Variants in SLCO1A2 observed in about 807,000 individuals in gnomAD.
SLCO1A2 encodes the protein solute carrier organic anion transporter family member 1A2, also known as OATP-1.
SLCO1A2 carries 67 observed loss-of-function variants against 69.0 expected under a neutral mutation model. That is an observed-to-expected ratio of 0.97 (90% confidence interval 0.80 to 1.19). The LOEUF is 1.19. SLCO1A2 is among the 50% of genes most tolerant of loss of function. The pLI is 0.00. For synonymous variants in SLCO1A2, 260 were observed against 265.9 expected (o/e 0.98, Z 0.22); for missense variants, 787 against 793.7 (o/e 0.99, Z 0.10).
rs748136616 is a variant in SLCO1A2, at chr12:21,292,272, T to C, written c.1502A>G (p.Asp501Gly). The change falls in exon 12 of 15, where the codon GAC (aspartate) becomes GGC (glycine). Residue 501 changes from aspartate to glycine, a missense_variant. Asp to Gly is a moderately conservative substitution (Grantham distance 94). Coordinates refer to ENST00000683939, the MANE Select transcript of SLCO1A2 (RefSeq NM_001386879.1). ...GNSSAVLGLCDKGPDCSLMLQ... is the reference protein window; with the variant it reads ...GNSSAVLGLCGKGPDCSLMLQ... ...CATCAAGGAACAGTCAGGTCCTTTG[T>C]CGCACAGCCCAAGAACTGCAGATGA... is the stretch of plus-strand genomic sequence containing the variant. 103 of 1,613,028 alleles carry C rather than the reference T, an allele frequency of 6.4e-5. No individual in the cohort carries two copies. Among genetic ancestry groups the C allele is most frequent in the Non-Finnish European group, 8.6e-5 (101 of 1,179,306 alleles).
intron 12 of SLCO1A2, among the ~76,000 whole-genome samples, chr12:21,287,283 G>A (rs1281699647): frequency 2.0e-5 from 3 of 149,850 alleles, no homozygotes; most frequent in Admixed American, 1.3e-4. Flanking sequence ...CTGGCCATCA[G>A]AGAAATGCAA....
chr12:21,272,568 T>G (rs1943069944), intron 14 of SLCO1A2, among the ~76,000 whole-genome samples: 1 of 152,092 alleles, frequency 6.6e-6, no homozygotes, highest in African/African-American at 2.4e-5. Context: ...CTTACTTATA[T>G]TTTGTTGAAA....
intron 8 of SLCO1A2, among the ~76,000 whole-genome samples, chr12:21,299,734 G>A (rs11045948): frequency 0.039 from 5,553 of 141,500 alleles, 475 homozygotes; most frequent in East Asian, 0.36. Context: ...CTGTAAAATC[G>A]GTTTTTTGAG....
At chr12:21,308,617 T>TA (rs988555161) in intron 4 of SLCO1A2, among the ~76,000 whole-genome samples, 6 of 152,090 alleles carry the variant, frequency 3.9e-5, no homozygotes, top group African/African-American at 1.2e-4. Context: ...GGTATTAAGT[T>TA]AAAAAAATCT....
At chr12:21,322,074 A>C (rs1389047961) in intron 2 of SLCO1A2, among the ~76,000 whole-genome samples, 1 of 152,242 alleles carries the variant, frequency 6.6e-6, no homozygotes, top group Non-Finnish European at 1.5e-5. Context: ...TGAAGAAATC[A>C]GAGCTGAAAG....
intron 2 of SLCO1A2, among the ~76,000 whole-genome samples, chr12:21,355,546 G>A (rs1335635280): frequency 1.3e-5 from 2 of 152,156 alleles, no homozygotes; most frequent in Admixed American, 6.5e-5. Flanking sequence ...CAAGGTTAGG[G>A]AGCTGATGTG....
intron 2 of SLCO1A2, among the ~76,000 whole-genome samples, chr12:21,358,615 T>C (rs910780086): frequency 3.3e-5 from 5 of 152,142 alleles, no homozygotes; most frequent in African/African-American, 4.8e-5. Context: ...TTATCACTAG[T>C]TAATACTTTT....
At chr12:21,404,227 A>AT (rs1565533565) in intron 1 of SLCO1A2, among the ~76,000 whole-genome samples, 1 of 151,934 alleles carries the variant, frequency 6.6e-6, no homozygotes, top group African/African-American at 2.4e-5. Context: ...AGTTGGATTT[A>AT]TTTATTTTAT....
At chr12:21,273,700 G>C (rs559441511) in intron 14 of SLCO1A2, among the ~76,000 whole-genome samples, 1 of 152,100 alleles carries the variant, frequency 6.6e-6, no homozygotes, top group Non-Finnish European at 1.5e-5. Flanking sequence ...GCTTCCCTCA[G>C]CATCACTCCT....
intron 1 of SLCO1A2, among the ~76,000 whole-genome samples, chr12:21,394,557 A>G (rs1039413384): frequency 1.5e-4 from 4 of 26,508 alleles, no homozygotes; most frequent in Admixed American, 3.3e-4. Context: ...TAACACACGC[A>G]CACACACACA....
At chr12:21,395,423 C>A (rs1335575842) in exon 1 of SLCO1A2, 1 of 154,256 alleles carries the variant, frequency 6.5e-6, no homozygotes, top group Non-Finnish European at 1.4e-5. Flanking sequence ...GATCAAACTG[C>A]AAGGCAGCAG....
chr12:21,413,569 G>A (rs531981165), intron 1 of SLCO1A2, among the ~76,000 whole-genome samples: 2 of 152,160 alleles, frequency 1.3e-5, no homozygotes, highest in African/African-American at 4.8e-5. Flanking sequence ...ACACAGACAG[G>A]CCTGCATAGC....
At chr12:21,410,895 C>A (rs1315735147) in intron 1 of SLCO1A2, among the ~76,000 whole-genome samples, 4 of 152,064 alleles carry the variant, frequency 2.6e-5, no homozygotes, top group South Asian at 4.2e-4. Flanking sequence ...TCTGATGTGC[C>A]TGTTCATTTA....
chr12:21,344,273 A>C (rs1451059843), intron 2 of SLCO1A2, among the ~76,000 whole-genome samples: 2 of 152,072 alleles, frequency 1.3e-5, no homozygotes, highest in Admixed American at 1.3e-4. Context: ...GAGAGACAAT[A>C]TAATCCAAGG....
upstream of SLCO1A2, among the ~76,000 whole-genome samples, chr12:21,337,883 G>A (rs1051200580): frequency 6.6e-6 from 1 of 151,920 alleles, no homozygotes; most frequent in African/African-American, 2.4e-5. Flanking sequence ...AACTATGGCA[G>A]AAACTTAACT....
chr12:21,412,479 G>C (rs12317302), intron 1 of SLCO1A2, among the ~76,000 whole-genome samples: 8,218 of 152,192 alleles, frequency 0.054, 286 homozygotes, highest in African/African-American at 0.078. Flanking sequence ...ATCATGATTA[G>C]TTATTAAATT....
intron 8 of SLCO1A2, among the ~76,000 whole-genome samples, chr12:21,298,027 C>G (rs1358018270): frequency 1.3e-5 from 2 of 151,994 alleles, no homozygotes; most frequent in African/African-American, 2.4e-5. Context: ...TTTATCACTC[C>G]CTGAACATTT....
chr12:21,319,736 AT>A (rs1376762086), intron 2 of SLCO1A2, among the ~76,000 whole-genome samples: 3 of 152,142 alleles, frequency 2.0e-5, no homozygotes, highest in Non-Finnish European at 4.4e-5. Flanking sequence ...GGTTTTATCA[AT>A]CATACTTCCT....
At chr12:21,336,626 T>C (rs1175574356), upstream of SLCO1A2, among the ~76,000 whole-genome samples, 2 of 152,022 alleles carry the variant, frequency 1.3e-5, no homozygotes, top group South Asian at 2.1e-4. Context: ...AACATCTTCA[T>C]GGAGGAAAAT....
Sources: gnomAD v4.1 joint callset for allele counts (sites outside exome capture counted in the v4.1 genomes callset) on GRCh38, gnomAD v4.1.1 for gene constraint, MANE v1.5 for transcripts, NCBI Gene and HGNC (gene_info 2026-07-23, HGNC 2026-07-21) for gene names.